Variants in CRYL1 observed in about 807,000 individuals in gnomAD.
CRYL1 encodes lambda-crystallin homolog.
Under a neutral mutation model 36.6 loss-of-function variants are expected in CRYL1, and 29 were observed. The ratio of observed to expected loss-of-function variants is 0.79; its 90% CI spans 0.59 to 1.08. CRYL1 has a LOEUF of 1.08. Ranked by LOEUF, CRYL1 falls within the 50% of genes least tolerant of loss-of-function variation. The probability of loss-of-function intolerance (pLI) is 0.00; values close to 1 mark genes in which losing one functional copy is unlikely to be tolerated. For missense variants in CRYL1, 411 were observed against 407.9 expected (o/e 1.01, Z -0.06); for synonymous variants, 152 against 151.5 (o/e 1.00, Z -0.02).
chr13:20,499,749 G>A (rs1394775653), intron 2 of CRYL1, among the ~76,000 whole-genome samples: 6 of 152,094 alleles, frequency 3.9e-5, no homozygotes, highest in Admixed American at 3.9e-4. Context: ...TGTGTTCCAG[G>A]ATTATATTAG....
chr13:20,438,036 C>T (rs2032270801), intron 4 of CRYL1, among the ~76,000 whole-genome samples: 1 of 152,178 alleles, frequency 6.6e-6, no homozygotes, highest in South Asian at 2.1e-4. Context: ...ATTAGGGTCC[C>T]TCGTAATGCT....
chr13:20,471,865 T>C (rs1242718139), intron 3 of CRYL1, among the ~76,000 whole-genome samples: 3 of 152,060 alleles, frequency 2.0e-5, no homozygotes, highest in African/African-American at 7.3e-5. Flanking sequence ...CTTTCATTTT[T>C]TTTTTGAGAC....
intron 5 of CRYL1, among the ~76,000 whole-genome samples, chr13:20,423,017 T>C (rs759587684): frequency 1.3e-5 from 2 of 152,236 alleles, no homozygotes; most frequent in Non-Finnish European, 2.9e-5. Context: ...TGATTAAATG[T>C]ATTTCTAAGC....
chr13:20,489,411 GACA>G lies in CRYL1; in HGVS notation c.232_234del (p.Cys78del). ...CCCTCTACTGCTTCTTGGATATTGG[GACA>G]ACCACTGATGAGTGACAGCTGCTCT... is the stretch of plus-strand genomic sequence containing the variant. On this transcript the variant is annotated inframe_deletion, in exon 3 of 8. Transcript: ENST00000298248. The G allele has an allele frequency of 6.2e-7, 1 of 1,613,584 alleles. No individual in the cohort carries two copies. Among genetic ancestry groups the G allele is most frequent in the Non-Finnish European group, 8.5e-7 (1 of 1,180,028 alleles).
intron 3 of CRYL1, among the ~76,000 whole-genome samples, chr13:20,454,431 T>A (rs950008175): frequency 1.4e-4 from 21 of 151,492 alleles, no homozygotes; most frequent in African/African-American, 4.8e-4. Flanking sequence ...TTTTTTTTTT[T>A]TTTGAGATGG....
intron 2 of CRYL1, among the ~76,000 whole-genome samples, chr13:20,499,129 G>A (rs1346524344): frequency 1.3e-5 from 2 of 151,982 alleles, no homozygotes; most frequent in Non-Finnish European, 2.9e-5. Context: ...GATTGCTTGA[G>A]CCCAGGAGTA....
chr13:20,515,344 A>C (rs1005615275), intron 1 of CRYL1, among the ~76,000 whole-genome samples: 12 of 152,232 alleles, frequency 7.9e-5, no homozygotes, highest in African/African-American at 2.9e-4. Flanking sequence ...TACTGCTGTT[A>C]TTAAAAATAA....
chr13:20,425,699 T>C lies in CRYL1; in HGVS notation c.633+6403A>G, dbSNP rs1329182672. ...GTTACAGCAGCAAATTTAAACATTTTAGGCCATCTTCCCCCTAGAACATGT... is the reference window on the plus strand; with the variant it reads ...GTTACAGCAGCAAATTTAAACATTTCAGGCCATCTTCCCCCTAGAACATGT... On this transcript the variant is annotated intron_variant, in intron 5 of 7. Coordinates refer to ENST00000298248, the MANE Select transcript of CRYL1 (RefSeq NM_015974.3). This position sits in a 1 kb window ranked among gnomAD's most constrained non-coding sequence, Gnocchi z 4.4. Among the ~76,000 whole-genome samples, 2 of 152,200 alleles carry C rather than the reference T, an allele frequency of 1.3e-5. No individual in the cohort carries two copies. Among genetic ancestry groups the C allele is most frequent in the Admixed American group, 6.5e-5 (1 of 15,280 alleles).
At chr13:20,480,767 T>G (rs1365029730) in intron 3 of CRYL1, among the ~76,000 whole-genome samples, 1 of 152,234 alleles carries the variant, frequency 6.6e-6, no homozygotes, top group Admixed American at 6.5e-5. Context: ...AGTCCTCACC[T>G]GCAGGCACAC....
chr13:20,489,519 C>T, intron 2 of CRYL1, 23 bp from the exon 3 acceptor site: 4 of 1,611,136 alleles, frequency 2.5e-6, no homozygotes, highest in Non-Finnish European at 2.5e-6. Context: ...AGAGAAGGAT[C>T]ACTGTGAGTA....
chr13:20,499,693 T>A (rs1371936353), intron 2 of CRYL1, among the ~76,000 whole-genome samples: 2 of 152,148 alleles, frequency 1.3e-5, no homozygotes, highest in Non-Finnish European at 2.9e-5. Context: ...AAATCTGAGA[T>A]GTTGTTTAGC....
chr13:20,498,787 C>G (rs1049747716), intron 2 of CRYL1, among the ~76,000 whole-genome samples: 3 of 152,132 alleles, frequency 2.0e-5, no homozygotes, highest in African/African-American at 4.8e-5. Flanking sequence ...TTTACTAGGT[C>G]TTAATGTTTA....
chr13:20,404,042 C>A lies in CRYL1; in HGVS notation c.*87G>T. On this transcript the variant is annotated 3_prime_UTR_variant, in exon 8 of 8. Transcript: ENST00000298248. ...AGCTTAGGATCTCCGTGGGCTGCTA[C>A]CTATGTCACAGAGGGCTGATTAAGG... is the stretch of plus-strand genomic sequence containing the variant. The A allele has an allele frequency of 1.1e-6, 1 of 911,968 alleles. No homozygotes were observed. The highest frequency in any genetic ancestry group is 1.8e-6 in the Non-Finnish European group (1 of 562,880). 56.5% of individuals were successfully genotyped at this position (911,968 alleles called of 1,614,324 possible).
intron 3 of CRYL1, among the ~76,000 whole-genome samples, chr13:20,457,484 T>A (rs894889173): frequency 1.3e-5 from 2 of 152,096 alleles, no homozygotes; most frequent in African/African-American, 4.8e-5. Context: ...CCTTTAAGAA[T>A]CAATAACTGA....
chr13:20,408,165 T>C (rs554644455), intron 6 of CRYL1, among the ~76,000 whole-genome samples: 1 of 152,194 alleles, frequency 6.6e-6, no homozygotes, highest in South Asian at 2.1e-4. Context: ...AATTCCCACC[T>C]GAGTGAGGAC....
intron 3 of CRYL1, among the ~76,000 whole-genome samples, chr13:20,444,244 GT>G (rs1233903253): frequency 1.3e-5 from 2 of 152,146 alleles, no homozygotes; most frequent in Non-Finnish European, 2.9e-5. Flanking sequence ...CCAGGAGCTT[GT>G]TTTTTCCTTA....
At chr13:20,459,115 A>G (rs1364285741) in intron 3 of CRYL1, among the ~76,000 whole-genome samples, 1 of 151,704 alleles carries the variant, frequency 6.6e-6, no homozygotes, top group Non-Finnish European at 1.5e-5. Flanking sequence ...GGGTGCCTGT[A>G]GTCCCGGCTA....
chr13:20,509,012 G>A (rs992878046), intron 2 of CRYL1, among the ~76,000 whole-genome samples: 1 of 151,166 alleles, frequency 6.6e-6, no homozygotes, highest in African/African-American at 2.4e-5. Flanking sequence ...TGACTAACAT[G>A]GTGAAACCCC....
intron 1 of CRYL1, among the ~76,000 whole-genome samples, chr13:20,521,765 T>G (rs2034101789): frequency 6.6e-6 from 1 of 152,244 alleles, no homozygotes; most frequent in South Asian, 2.1e-4. Flanking sequence ...CACTTAATTT[T>G]GAATAAATTC....
Sources: allele counts gnomAD v4.1 joint callset (sites outside exome capture counted in the v4.1 genomes callset), GRCh38; gene constraint gnomAD v4.1.1; non-coding constraint Gnocchi (gnomAD v3.1); transcripts MANE v1.5; gene names NCBI Gene and HGNC (gene_info 2026-07-23, HGNC 2026-07-21).